INPP5F: variants seen among roughly 807,000 people sequenced by gnomAD.
INPP5F encodes the protein phosphatidylinositide 4-phosphatase SAC2.
A neutral mutation model predicts 137.2 loss-of-function variants in INPP5F; 97 were observed. That is an observed-to-expected ratio of 0.71 (90% CI 0.60 to 0.84). The LOEUF (loss-of-function observed/expected upper bound fraction) is 0.84. Among genes scored for constraint, INPP5F ranks in the 40% least tolerant of loss-of-function variants. The pLI is 0.00. For synonymous variants in INPP5F, 504 were observed against 476.9 expected, an observed-to-expected ratio of 1.06 and a Z score of -0.74; for missense variants, 1,271 against 1,371.9, an observed-to-expected ratio of 0.93 and a Z score of 1.16.
chr10:119,774,262 A>G (rs1257500686), intron 2 of INPP5F, among the ~76,000 whole-genome samples: 1 of 46,738 alleles, frequency 2.1e-5, no homozygotes, highest in East Asian at 4.6e-4. Context: ...CTCAGTCTCC[A>G]AAAAAAAAAA....
At chr10:119,731,045 C>T (rs2134097966) in intron 1 of INPP5F, among the ~76,000 whole-genome samples, 1 of 152,242 alleles carries the variant, frequency 6.6e-6, no homozygotes, top group Admixed American at 6.5e-5. Context: ...CCTCTGCCTC[C>T]CAAAGTGCTG....
At chr10:119,734,907 C>T (rs1848177789) in intron 1 of INPP5F, among the ~76,000 whole-genome samples, 1 of 147,050 alleles carries the variant, frequency 6.8e-6, no homozygotes, top group South Asian at 2.1e-4. Flanking sequence ...AAGTCATAAT[C>T]ATTATGTGTC....
At chr10:119,753,103 T>TGG (rs968436309) in intron 2 of INPP5F, among the ~76,000 whole-genome samples, 1 of 152,060 alleles carries the variant, frequency 6.6e-6, no homozygotes, top group African/African-American at 2.4e-5. Flanking sequence ...AACAGTCTCC[T>TGG]ACCTGTCCAC....
chr10:119,732,500 C>CTTTTTTTTTTTTTTTTTTTTTT (rs59388357), intron 1 of INPP5F, among the ~76,000 whole-genome samples: 1 of 115,564 alleles, frequency 8.7e-6, no homozygotes, highest in Non-Finnish European at 1.7e-5. Flanking sequence ...TTTCTTTTTT[C>CTTTTTTTTTTTTTTTTTTTTTT]TTTTTTTTTT....
intron 2 of INPP5F, among the ~76,000 whole-genome samples, 200 bp from the exon 3 acceptor site, chr10:119,781,435 T>C (rs1164014102): frequency 6.6e-6 from 1 of 152,262 alleles, no homozygotes; most frequent in Non-Finnish European, 1.5e-5. Flanking sequence ...TAATTTACAT[T>C]TCTCTAATTA....
At chr10:119,734,212 G>A (rs1386078338) in intron 1 of INPP5F, among the ~76,000 whole-genome samples, 1 of 152,122 alleles carries the variant, frequency 6.6e-6, no homozygotes, top group African/African-American at 2.4e-5. Flanking sequence ...GTGCAGAGAA[G>A]GTTGTTGTTG....
rs572949269 is a variant in INPP5F at position 119,738,950 on chromosome 10, C to T, written c.98-12126C>T. 5.4e-4 allele frequency among the ~76,000 whole-genome samples: 81 copies of T among 151,084 alleles called. 1 individual carries two copies. The East Asian group carries it at 0.014, about 25-fold the overall frequency. ...TAATCCCAGCATTTTGGGAGGCTGA[C>T]GTGGGAGGATCACTTGAGTCCAGGA... On this transcript the variant is annotated intron_variant, in intron 1 of 19. Transcript: ENST00000650623.
chr10:119,758,843 C>T (rs182788869), intron 2 of INPP5F, among the ~76,000 whole-genome samples: 12 of 152,290 alleles, frequency 7.9e-5, no homozygotes, highest in African/African-American at 2.9e-4. Context: ...GTGACGATGT[C>T]TCAGTCATTA....
chr10:119,804,984 C>T (rs933708586), intron 10 of INPP5F, among the ~76,000 whole-genome samples: 1 of 152,168 alleles, frequency 6.6e-6, no homozygotes, highest in Non-Finnish European at 1.5e-5. Context: ...ACCTTGGCCT[C>T]CCAAAGTACT....
intron 2 of INPP5F, among the ~76,000 whole-genome samples, chr10:119,773,511 A>G (rs113395147): frequency 0.017 from 2,590 of 152,134 alleles, 88 homozygotes; most frequent in African/African-American, 0.06. Flanking sequence ...CCTTCCCACT[A>G]TCCCCCGTTT....
intron 9 of INPP5F, among the ~76,000 whole-genome samples, chr10:119,800,947 C>CAA (rs11365692): frequency 2.3e-4 from 17 of 73,840 alleles, no homozygotes; most frequent in African/African-American, 5.3e-4. Flanking sequence ...CACTCTGTCT[C>CAA]AAAAAAAAAA....
Position 119,827,908 on chromosome 10 carries a change from C to A in INPP5F, c.*128C>A. ...TCTGTTCATTGGAAAGGGTTTTAAA[C>A]GGAGTCGGAACCTGAGTAGATTTCC... On this transcript the variant is annotated 3_prime_UTR_variant, in exon 20 of 20. Transcript: ENST00000650623. 1.3e-6 allele frequency: 1 copy of A among 754,250 alleles called. No homozygotes were observed. 46.7% of individuals were successfully genotyped at this position (754,250 alleles called of 1,614,324 possible).
At chr10:119,750,488 CTG>C in intron 1 of INPP5F, among the ~76,000 whole-genome samples, 1 of 152,282 alleles carries the variant, frequency 6.6e-6, no homozygotes, top group Middle Eastern at 3.4e-3. Flanking sequence ...AGTGAGAAAA[CTG>C]TCACCCAAAA....
intron 1 of INPP5F, among the ~76,000 whole-genome samples, chr10:119,734,909 TTA>T (rs35381606): frequency 0.16 from 23,775 of 152,186 alleles, 2,176 homozygotes; most frequent in Middle Eastern, 0.21. Flanking sequence ...GTCATAATCA[TTA>T]TGTGTCAGCT....
At chr10:119,739,518 A>G (rs943204816) in intron 1 of INPP5F, among the ~76,000 whole-genome samples, 2 of 152,228 alleles carry the variant, frequency 1.3e-5, no homozygotes, top group African/African-American at 4.8e-5. Flanking sequence ...TTCAATAACT[A>G]TTGAATGAGT....
At chr10:119,811,704 A>T in intron 14 of INPP5F, 53 bp from the exon 15 acceptor site, 1 of 1,417,672 alleles carries the variant, frequency 7.1e-7, no homozygotes, top group Non-Finnish European at 9.7e-7. Context: ...TTTGTTTTTT[A>T]AAAATATATT....
chr10:119,782,230 A>T (rs1395797803), intron 3 of INPP5F, among the ~76,000 whole-genome samples: 1 of 152,276 alleles, frequency 6.6e-6, no homozygotes, highest in Non-Finnish European at 1.5e-5. Context: ...AAAGGAAGAC[A>T]GTCACTCATC....
In INPP5F at chr10:119,823,075, T is replaced by G; in HGVS notation, c.2037T>G (p.Pro679=). The G allele has an allele frequency of 6.2e-7, 1 of 1,612,912 alleles. No individual in the cohort carries two copies. Among genetic ancestry groups the G allele is most frequent in the Non-Finnish European group, 8.5e-7 (1 of 1,179,524 alleles). The change falls in exon 18 of 20, where the codon CCT becomes CCG. Residue 679 remains proline, a synonymous_variant. Coordinates refer to ENST00000650623, the MANE Select transcript of INPP5F (RefSeq NM_014937.4). The stretch of plus-strand genomic sequence containing the variant: ...CGTATTCATTTGGGATTTTAGGCCC[T>G]GAACCCACTCTTTTTGGTAAGCCAA... ...LENLEKIEIG[P]EPTLFGKPKF... is the part of the protein sequence containing the mutation.
intron 2 of INPP5F, among the ~76,000 whole-genome samples, chr10:119,759,452 C>T (rs770955582): frequency 5.3e-5 from 8 of 152,044 alleles, no homozygotes; most frequent in Non-Finnish European, 1.0e-4. Flanking sequence ...TGCAGTGGCA[C>T]AATCTTGGCT....
Sources: allele counts gnomAD v4.1 joint callset (sites outside exome capture counted in the v4.1 genomes callset), GRCh38; gene constraint gnomAD v4.1.1; transcripts MANE v1.5; gene names NCBI Gene and HGNC (gene_info 2026-07-23, HGNC 2026-07-21).